PPARGC1A: variants seen among roughly 807,000 people sequenced by gnomAD.
PPARGC1A encodes peroxisome proliferator-activated receptor gamma coactivator 1-alpha.
PPARGC1A carries 25 observed loss-of-function variants against 88.7 expected under a neutral mutation model. The observed-to-expected ratio is 0.28, with a 90% CI of 0.21 to 0.39. The LOEUF is 0.39. Among genes scored for constraint, PPARGC1A ranks in the 10% least tolerant of loss-of-function variants. The probability of loss-of-function intolerance (pLI) is 1.00; values close to 1 mark genes in which losing one functional copy is unlikely to be tolerated. For synonymous variants in PPARGC1A, 363 were observed against 355.6 expected, an observed-to-expected ratio of 1.02 and a Z score of -0.24; for missense variants, 880 against 968.7, an observed-to-expected ratio of 0.91 and a Z score of 1.22.
chr4:24,082,199 C>T, the PPARGC1A span, among the ~76,000 whole-genome samples: 7 of 152,302 alleles, frequency 4.6e-5, no homozygotes, highest in Admixed American at 1.3e-4. Flanking sequence ...CAGGCACTGC[C>T]CCTGAGTCCC....
chr4:23,796,431 C>G (rs890551860), intron 12 of PPARGC1A, among the ~76,000 whole-genome samples: 1 of 152,158 alleles, frequency 6.6e-6, no homozygotes, highest in Admixed American at 6.5e-5. Flanking sequence ...ACTTCCGTAC[C>G]TCTTGGCCTC....
chr4:24,219,190 A>G, the PPARGC1A span, among the ~76,000 whole-genome samples: 1 of 152,290 alleles, frequency 6.6e-6, no homozygotes, highest in African/African-American at 2.4e-5. Context: ...TGGTCCCACA[A>G]CCCTTGGCAA....
chr4:24,067,677 C>T, the PPARGC1A span, among the ~76,000 whole-genome samples: 1 of 152,178 alleles, frequency 6.6e-6, no homozygotes, highest in African/African-American at 2.4e-5. Context: ...ATGTTTAAGA[C>T]CGTCTGTCCT....
chr4:23,804,196 C>CA (rs1211588263), intron 10 of PPARGC1A, among the ~76,000 whole-genome samples: 3 of 152,266 alleles, frequency 2.0e-5, no homozygotes, highest in Non-Finnish European at 4.4e-5. Context: ...CCCGACCCTC[C>CA]AGCCTTGCCC....
the PPARGC1A span, among the ~76,000 whole-genome samples, chr4:23,931,831 T>A: frequency 6.6e-6 from 1 of 152,184 alleles, no homozygotes; most frequent in Non-Finnish European, 1.5e-5. Context: ...GTTATGACGA[T>A]CTTTGGAGTC....
the PPARGC1A span, among the ~76,000 whole-genome samples, chr4:24,439,849 C>G: frequency 6.6e-6 from 1 of 152,182 alleles, no homozygotes; most frequent in East Asian, 1.9e-4. Context: ...TTTTACTGTG[C>G]ATTCATGGGA....
At chr4:24,301,385 T>G in the PPARGC1A span, among the ~76,000 whole-genome samples, 1 of 152,146 alleles carries the variant, frequency 6.6e-6, no homozygotes, top group African/African-American at 2.4e-5. Context: ...CTTTCATCCC[T>G]AAAATTTGTG....
the PPARGC1A span, among the ~76,000 whole-genome samples, chr4:24,274,246 G>C: frequency 6.6e-6 from 1 of 152,072 alleles, no homozygotes; most frequent in Non-Finnish European, 1.5e-5. Context: ...TAGGTAAAGT[G>C]TCACTGTTCA....
At chr4:24,357,541 C>T in the PPARGC1A span, among the ~76,000 whole-genome samples, 1 of 152,244 alleles carries the variant, frequency 6.6e-6, no homozygotes, top group Non-Finnish European at 1.5e-5. Context: ...GAAGGCTCTA[C>T]AAGGCATTTA....
chr4:24,137,879 C>A, the PPARGC1A span, among the ~76,000 whole-genome samples: 1 of 152,170 alleles, frequency 6.6e-6, no homozygotes, highest in Non-Finnish European at 1.5e-5. Context: ...CGTTTCCCCC[C>A]TCAAACACAG....
the PPARGC1A span, among the ~76,000 whole-genome samples, chr4:23,969,958 G>A: frequency 6.6e-6 from 1 of 152,148 alleles, no homozygotes; most frequent in African/African-American, 2.4e-5. Context: ...CCACAGAGAT[G>A]AAGAAACCAT....
the PPARGC1A span, among the ~76,000 whole-genome samples, chr4:24,066,274 T>C: frequency 6.6e-6 from 1 of 152,040 alleles, no homozygotes. Context: ...CCACAAACTA[T>C]TGCCAGGCAA....
At chr4:24,350,165 C>G in the PPARGC1A span, among the ~76,000 whole-genome samples, 1 of 152,196 alleles carries the variant, frequency 6.6e-6, no homozygotes, top group African/African-American at 2.4e-5. Flanking sequence ...CTCCCAGGAG[C>G]AGTCTGCTTC....
At chr4:23,979,395 T>G in the PPARGC1A span, among the ~76,000 whole-genome samples, 1 of 152,218 alleles carries the variant, frequency 6.6e-6, no homozygotes, top group Non-Finnish European at 1.5e-5. Context: ...CCACAGGGCA[T>G]GAGCAACATT....
chr4:23,889,449 G>A (rs1717463489), intron 1 of PPARGC1A: 1 of 888,548 alleles, frequency 1.1e-6, no homozygotes, highest in Non-Finnish European at 1.3e-6. Flanking sequence ...GAGAGAGAGG[G>A]GGGAAAAATC....
the PPARGC1A span, among the ~76,000 whole-genome samples, chr4:23,960,538 TACTTGGGCAAG>T: frequency 0.13 from 20,318 of 152,112 alleles, 1,572 homozygotes; most frequent in East Asian, 0.25. Context: ...CCCATGAGCC[TACTTGGGCAAG>T]ACTTGGGCAG....
chr4:24,288,111 A>G, the PPARGC1A span, among the ~76,000 whole-genome samples: 3 of 152,168 alleles, frequency 2.0e-5, no homozygotes, highest in East Asian at 5.8e-4. Flanking sequence ...CAAGCTTTCA[A>G]CCCATTCCTG....
the PPARGC1A span, among the ~76,000 whole-genome samples, chr4:24,445,569 T>C: frequency 3.3e-5 from 5 of 152,320 alleles, no homozygotes; most frequent in Admixed American, 2.6e-4. Context: ...AACATGTTGG[T>C]ATATGTGAAG....
intron 2 of PPARGC1A, among the ~76,000 whole-genome samples, chr4:23,838,195 ATTT>A (rs1036800499): frequency 2.0e-4 from 30 of 151,994 alleles, no homozygotes; most frequent in Non-Finnish European, 2.9e-5. Context: ...CAAACAATTG[ATTT>A]TTTTTCCCTC....
Sources: gnomAD v4.1 joint callset for allele counts (sites outside exome capture counted in the v4.1 genomes callset) on GRCh38, gnomAD v4.1.1 for gene constraint, MANE v1.5 for transcripts, NCBI Gene and HGNC (gene_info 2026-07-23, HGNC 2026-07-21) for gene names.